The following TMEM207 variants were observed in gnomAD, a reference collection of about 807,000 sequenced individuals.
The protein encoded by TMEM207 is SRSR846.
A neutral mutation model predicts 17.4 loss-of-function variants in TMEM207; 15 were observed. The ratio of observed to expected loss-of-function variants is 0.86; its 90% CI spans 0.58 to 1.33. The LOEUF is 1.33. Ranked by LOEUF, TMEM207 falls within the 40% of genes most tolerant of loss-of-function variation. The probability of loss-of-function intolerance (pLI) is 0.00; values close to 1 mark genes in which losing one functional copy is unlikely to be tolerated. For synonymous variants in TMEM207, 70 were observed against 65.6 expected, an observed-to-expected ratio of 1.07 and a Z score of -0.33; for missense variants, 205 against 173.8, an observed-to-expected ratio of 1.18 and a Z score of -1.01.
chr3:190,449,042 C>T (rs1251578638), intron 1 of TMEM207, among the ~76,000 whole-genome samples: 1 of 152,146 alleles, frequency 6.6e-6, no homozygotes, highest in African/African-American at 2.4e-5. Context: ...TCCAGCTTAA[C>T]AGATAAACAA....
chr3:190,431,786 T>C (rs1314867196), intron 4 of TMEM207, among the ~76,000 whole-genome samples: 1 of 152,204 alleles, frequency 6.6e-6, no homozygotes, highest in African/African-American at 2.4e-5. Flanking sequence ...ATTGCCACTG[T>C]CTATATTGTG....
intron 2 of TMEM207, among the ~76,000 whole-genome samples, chr3:190,444,003 C>CA (rs1401423815): frequency 6.6e-6 from 1 of 152,140 alleles, no homozygotes; most frequent in Non-Finnish European, 1.5e-5. Flanking sequence ...GATTTCTGTG[C>CA]AATACGAATG....
intron 2 of TMEM207, among the ~76,000 whole-genome samples, chr3:190,445,215 A>G (rs1025394348): frequency 2.6e-5 from 4 of 152,198 alleles, no homozygotes; most frequent in Admixed American, 6.5e-5. Context: ...AATGCAATTA[A>G]TTTACAGAAT....
chr3:190,433,269 A>C (rs1278854278), intron 4 of TMEM207, among the ~76,000 whole-genome samples: 1 of 152,124 alleles, frequency 6.6e-6, no homozygotes, highest in African/African-American at 2.4e-5. Flanking sequence ...GCTTTTATTC[A>C]GCATCACAAC....
chr3:190,441,017 C>T (rs545402894), intron 3 of TMEM207, among the ~76,000 whole-genome samples: 10 of 152,004 alleles, frequency 6.6e-5, no homozygotes, highest in East Asian at 1.9e-4. Context: ...TGCATTGAGC[C>T]GAGATGGCGC....
chr3:190,429,865 A>G, intron 4 of TMEM207, 134 bp from the exon 5 acceptor site: 2 of 1,148,536 alleles, frequency 1.7e-6, no homozygotes, highest in Non-Finnish European at 2.4e-6. Flanking sequence ...TGAGAAAAAA[A>G]TTACAACTAT....
At chr3:190,448,215 A>C (rs1720091728) in intron 1 of TMEM207, among the ~76,000 whole-genome samples, 2 of 151,960 alleles carry the variant, frequency 1.3e-5, no homozygotes, top group South Asian at 4.1e-4. Flanking sequence ...TTTTCACGCA[A>C]AAAAAAACAA....
At chr3:190,449,282 G>T (rs1720112013) in intron 1 of TMEM207, among the ~76,000 whole-genome samples, 1 of 152,136 alleles carries the variant, frequency 6.6e-6, no homozygotes, top group Non-Finnish European at 1.5e-5. Context: ...TTAGTCAGAA[G>T]GGGATGCTGG....
chr3:190,438,897 G>C (rs961555006), intron 4 of TMEM207, among the ~76,000 whole-genome samples: 1 of 147,016 alleles, frequency 6.8e-6, no homozygotes, highest in Non-Finnish European at 1.5e-5. Context: ...CTTCCTAAAA[G>C]AACCATTTCC....
At chr3:190,446,261 A>G (rs1720042772) in intron 2 of TMEM207, among the ~76,000 whole-genome samples, 1 of 152,192 alleles carries the variant, frequency 6.6e-6, no homozygotes, top group South Asian at 2.1e-4. Flanking sequence ...TTTGAAACTG[A>G]AATCTCTTGT....
chr3:190,433,886 C>T (rs946844395), intron 4 of TMEM207, among the ~76,000 whole-genome samples: 8 of 152,046 alleles, frequency 5.3e-5, no homozygotes, highest in Non-Finnish European at 7.4e-5. Context: ...TGAGTTCTCA[C>T]GAGATCTGAT....
chr3:190,429,850 A>C, intron 4 of TMEM207, 119 bp from the exon 5 acceptor site: 1 of 1,242,554 alleles, frequency 8.0e-7, no homozygotes, highest in Non-Finnish European at 1.1e-6. Flanking sequence ...AATTATTTGT[A>C]TCTATGAGAA....
chr3:190,433,208 C>T (rs568267449), intron 4 of TMEM207, among the ~76,000 whole-genome samples: 1 of 152,264 alleles, frequency 6.6e-6, no homozygotes, highest in East Asian at 1.9e-4. Context: ...ACCTCCAAAA[C>T]TCCATTTTCC....
intron 4 of TMEM207, among the ~76,000 whole-genome samples, chr3:190,437,422 A>C (rs374325363): frequency 6.6e-6 from 1 of 152,352 alleles, no homozygotes; most frequent in Admixed American, 6.5e-5. Context: ...ACATCCTCTA[A>C]GATAAATAAC....
At chr3:190,439,650 C>G (rs1231019658) in intron 4 of TMEM207, among the ~76,000 whole-genome samples, 1 of 152,138 alleles carries the variant, frequency 6.6e-6, no homozygotes, top group Non-Finnish European at 1.5e-5. Flanking sequence ...CTGTTCTTTA[C>G]TTCCTTATGC....
intron 4 of TMEM207, among the ~76,000 whole-genome samples, chr3:190,438,276 C>T (rs1386935303): frequency 6.6e-6 from 1 of 151,312 alleles, no homozygotes; most frequent in East Asian, 1.9e-4. Context: ...CAATTTATCC[C>T]CAAGGTTGTT....
chr3:190,440,493 C>A, intron 3 of TMEM207, 104 bp from the exon 4 acceptor site: 1 of 1,024,966 alleles, frequency 9.8e-7, no homozygotes, highest in Non-Finnish European at 1.4e-6. Flanking sequence ...CTAGACTGGC[C>A]GCAAGCAATG....
intron 4 of TMEM207, among the ~76,000 whole-genome samples, chr3:190,433,339 C>T (rs1719730596): frequency 6.6e-6 from 1 of 151,920 alleles, no homozygotes; most frequent in Non-Finnish European, 1.5e-5. Context: ...ATAAAAACAA[C>T]CTTTCATTTT....
intron 4 of TMEM207, among the ~76,000 whole-genome samples, chr3:190,438,767 T>C (rs1719858996): frequency 6.6e-6 from 1 of 152,224 alleles, no homozygotes; most frequent in South Asian, 2.1e-4. Flanking sequence ...TGTTAGCATG[T>C]TGACTCCTTT....
Sources: allele counts gnomAD v4.1 joint callset (sites outside exome capture counted in the v4.1 genomes callset), GRCh38; gene constraint gnomAD v4.1.1; transcripts MANE v1.5; gene names NCBI Gene and HGNC (gene_info 2026-07-23, HGNC 2026-07-21).